CNOT1: variants seen among roughly 807,000 people sequenced by gnomAD.
The protein encoded by CNOT1 is CCR4-associated factor 1.
CNOT1 carries 15 observed loss-of-function variants against 273.8 expected under a neutral mutation model. That is an observed-to-expected ratio of 0.05 (90% CI 0.04 to 0.08). CNOT1 has a LOEUF of 0.08. Ranked by LOEUF, CNOT1 falls within the 10% of genes least tolerant of loss-of-function variation. CNOT1 has a pLI of 1.00. For synonymous variants in CNOT1, 1,022 were observed against 1,005.5 expected (o/e 1.02, Z -0.31); for missense variants, 1,644 against 2,912.2 (o/e 0.56, Z 10.02).
rs575466919 is a variant in CNOT1 at position 58,626,438 on chromosome 16, C to G, written c.-175+3290G>C. 8.0e-5 allele frequency among the ~76,000 whole-genome samples: 11 copies of G among 137,936 alleles called. No homozygotes were observed. The South Asian group carries it at 2.2e-3, about 28-fold the overall frequency. The allele number at this position is 137,936 out of a possible 152,430, so 90.5% of individuals were successfully genotyped here. A position where few individuals can be genotyped will look rare whatever the true frequency, so the allele number is the denominator to read the frequency against. Reference sequence around the variant, plus strand: ...AAAAAAAAAAAAAAAAAAAGATATACCAAGTTCATAAAATACAGCATTTCA... The same window carrying G: ...AAAAAAAAAAAAAAAAAAAGATATAGCAAGTTCATAAAATACAGCATTTCA... On this transcript the variant is annotated intron_variant, in intron 1 of 48. Coordinates refer to ENST00000317147, the MANE Select transcript of CNOT1 (RefSeq NM_016284.5).
intron 1 of CNOT1, among the ~76,000 whole-genome samples, chr16:58,603,583 G>A (rs1338158814): frequency 6.6e-6 from 1 of 152,042 alleles, no homozygotes; most frequent in Non-Finnish European, 1.5e-5. Flanking sequence ...CCTAACCACT[G>A]ATACTCTTCC....
At position 58,614,471 on chromosome 16, in the gene CNOT1, G is replaced by C. The variant is rs1028596498; in HGVS notation, c.-174-14960C>G. Among the ~76,000 whole-genome samples the C allele has an allele frequency of 6.4e-5, 8 of 125,348 alleles. 2 individuals carry two copies. The highest frequency in any genetic ancestry group is 2.2e-4 in the African/African-American group (8 of 37,170). The allele number at this position is 125,348 out of a possible 152,430, so 82.2% of individuals were successfully genotyped here. On this transcript the variant is annotated intron_variant, in intron 1 of 48. Coordinates refer to ENST00000317147, the MANE Select transcript of CNOT1 (RefSeq NM_016284.5). ...TGTGGTAGGCAGAGGGTGCCTACAG[G>C]AACAGGCCCCACCAATAATAACAAT...
At chr16:58,620,091 T>G (rs2043254852) in intron 1 of CNOT1, among the ~76,000 whole-genome samples, 1 of 152,144 alleles carries the variant, frequency 6.6e-6, no homozygotes, top group Admixed American at 6.6e-5. Flanking sequence ...GAATGCTATA[T>G]TCTATCAATT....
intron 22 of CNOT1, among the ~76,000 whole-genome samples, chr16:58,552,479 G>A (rs1412276878): frequency 6.6e-6 from 1 of 152,094 alleles, no homozygotes; most frequent in Non-Finnish European, 1.5e-5. Flanking sequence ...GCTACAGTGG[G>A]TGCTAGGGAC....
intron 1 of CNOT1, among the ~76,000 whole-genome samples, chr16:58,620,972 G>C (rs1002752129): frequency 5.9e-5 from 9 of 151,660 alleles, no homozygotes; most frequent in African/African-American, 1.9e-4. Context: ...TAGTTAGAAA[G>C]TTATTTCAAA....
chr16:58,577,624 T>A (rs1727770573), intron 13 of CNOT1, among the ~76,000 whole-genome samples: 1 of 152,108 alleles, frequency 6.6e-6, no homozygotes, highest in South Asian at 2.1e-4. Context: ...TCTGCATGTA[T>A]CATATAATGT....
At chr16:58,599,050 CAAA>C (rs55921701) in intron 2 of CNOT1, 183 bp downstream of exon 2, 6,110 of 307,092 alleles carry the variant, frequency 0.02, no homozygotes, top group East Asian at 0.043. Context: ...GACTCTGTCT[CAAA>C]AAAAAAAAAA....
intron 21 of CNOT1, 56 bp from the exon 22 acceptor site, chr16:58,553,916 A>G: frequency 6.5e-7 from 1 of 1,536,144 alleles, no homozygotes; most frequent in Non-Finnish European, 8.7e-7. Flanking sequence ...CATCACTAAC[A>G]AAATGTTTTT....
chr16:58,627,844 T>C (rs903479456), intron 1 of CNOT1, among the ~76,000 whole-genome samples: 1 of 152,232 alleles, frequency 6.6e-6, no homozygotes, highest in African/African-American at 2.4e-5. Flanking sequence ...CTAGACTTTT[T>C]TTTGAGACGG....
intron 38 of CNOT1, among the ~76,000 whole-genome samples, chr16:58,537,668 C>T (rs1255736318): frequency 6.6e-6 from 1 of 152,172 alleles, no homozygotes; most frequent in Non-Finnish European, 1.5e-5. Context: ...AGGACTCTGA[C>T]ACTAAGTCTG....
Position 58,547,045 on chromosome 16 carries a change from T to C in CNOT1, c.3750+141A>G, listed in dbSNP as rs909638700. 3 of 1,236,240 alleles carry C rather than the reference T, an allele frequency of 2.4e-6. No individual in the cohort carries two copies. Among genetic ancestry groups the C allele is most frequent in the African/African-American group, 1.5e-5 (1 of 65,600 alleles). 76.6% of individuals were successfully genotyped at this position (1,236,240 alleles called of 1,614,324 possible). ...TTCTTATTTCACCCAGCCTCTCAAA[T>C]TGGAAATCCAAGTGCCATAGAGGAA... On this transcript the variant is annotated intron_variant, in intron 27 of 48. Coordinates refer to ENST00000317147, the MANE Select transcript of CNOT1 (RefSeq NM_016284.5). This position sits in a 1 kb window ranked among gnomAD's most constrained non-coding sequence, Gnocchi z 4.0.
At chr16:58,612,133 G>A (rs2042924448) in intron 1 of CNOT1, among the ~76,000 whole-genome samples, 1 of 152,116 alleles carries the variant, frequency 6.6e-6, no homozygotes, top group South Asian at 2.1e-4. Context: ...ATGCCAGGCT[G>A]CAAAGACATC....
rs1597562442 is a variant in CNOT1 at position 58,599,212 on chromosome 16, T to C, written c.102+24A>G. 6.2e-6 allele frequency: 10 copies of C among 1,614,042 alleles called. No homozygotes were observed. In the East Asian group the frequency reaches 6.7e-5, roughly 11 times the overall value. On this transcript the variant is annotated intron_variant, in intron 2 of 48. Transcript: ENST00000317147. ...TGTCTACTCATTCCTTTAATGGCAC[T>C]TGTTTTCTGGCTAGTTTACTTACAT...
Position 58,551,684 on chromosome 16 carries a change from C to T in CNOT1, c.3106G>A (p.Val1036Ile). Reference sequence around the variant, plus strand: ...GTTGAGGTGGTTACCATAGTGCTAACTTGACCAGCAAGAGGAGCTTTTGCT... The same window carrying T: ...GTTGAGGTGGTTACCATAGTGCTAATTTGACCAGCAAGAGGAGCTTTTGCT... Reference protein sequence around the residue: ...VPAKAPLAGQVSTMVTTSTTT... With the variant: ...VPAKAPLAGQISTMVTTSTTT... Residue 1036 changes from valine to isoleucine, a missense_variant, in exon 23 of 49, where the codon GTT becomes ATT. Coordinates refer to ENST00000317147, the MANE Select transcript of CNOT1 (RefSeq NM_016284.5). 6.2e-7 allele frequency: 1 copy of T among 1,614,202 alleles called. No homozygotes were observed. The highest frequency in any genetic ancestry group is 8.5e-7 in the Non-Finnish European group (1 of 1,180,034).
chr16:58,520,800 A>T lies in CNOT1; in HGVS notation c.*158T>A, dbSNP rs911686658. 29 of 717,074 alleles carry T rather than the reference A, an allele frequency of 4.0e-5. No homozygotes were observed. The South Asian group carries it at 5.3e-4, about 13-fold the overall frequency. The allele number at this position is 717,074 out of a possible 1,614,324, so 44.4% of individuals were successfully genotyped here. A position where few individuals can be genotyped will look rare whatever the true frequency, so the allele number is the denominator to read the frequency against. On this transcript the variant is annotated 3_prime_UTR_variant, in exon 49 of 49. Transcript: ENST00000317147. ...CATTTAAACTTTGGAACGTGCCCAC[A>T]TAAGACAGGAGGCTGATCCCAACAG... is the stretch of plus-strand genomic sequence containing the variant.
At chr16:58,562,492 A>C (rs1261587728) in intron 16 of CNOT1, among the ~76,000 whole-genome samples, 9 of 147,306 alleles carry the variant, frequency 6.1e-5, no homozygotes. Context: ...AGAAAGAACA[A>C]GACCCTGTCT....
intron 1 of CNOT1, among the ~76,000 whole-genome samples, chr16:58,623,765 G>A (rs1022245140): frequency 6.6e-5 from 10 of 152,060 alleles, no homozygotes; most frequent in Admixed American, 5.2e-4. Context: ...GAGGTGGGTC[G>A]ATCGCTTGAA....
chr16:58,574,754 A>G lies in CNOT1; in HGVS notation c.1834T>C (p.Phe612Leu). The change falls in exon 16 of 49, where the codon TTT becomes CTT. Residue 612 changes from phenylalanine (F) to leucine (L), a missense_variant. Around this residue, in one of 13 missense-constraint regions of CNOT1, gnomAD observed 706 missense variants for 1,021.2 expected, o/e 0.69. Coordinates refer to ENST00000317147, the MANE Select transcript of CNOT1 (RefSeq NM_016284.5). The part of the protein sequence containing the change: ...TDKIREHGEP[F>L]IQACMTFLKR... ...AAAAAAGTCATACACGCCTGGATAA[A>G]AGGCTCCTGAAGAATAGAAAAGTCT... 3 of 1,588,392 alleles carry G rather than the reference A, an allele frequency of 1.9e-6. No individual in the cohort carries two copies. Among genetic ancestry groups the G allele is most frequent in the Non-Finnish European group, 2.6e-6 (3 of 1,174,562 alleles).
At position 58,538,485 on chromosome 16, in the gene CNOT1, A is replaced by C. The variant is rs574880404; in HGVS notation, c.5136-219T>G. 1.4e-4 allele frequency among the ~76,000 whole-genome samples: 21 copies of C among 152,356 alleles called. No individual in the cohort carries two copies. The East Asian group carries it at 4.0e-3, about 29-fold the overall frequency. On this transcript the variant is annotated intron_variant, in intron 36 of 48. Transcript: ENST00000317147. The stretch of plus-strand genomic sequence containing the variant: ...AGTATTCCATTTAAGACATTAAAAT[A>C]CTTATACACGAATACCACTTCTGAG...
Sources: allele counts gnomAD v4.1 joint callset (sites outside exome capture counted in the v4.1 genomes callset), GRCh38; gene constraint gnomAD v4.1.1; regional missense constraint gnomAD v4.1.1; non-coding constraint Gnocchi (gnomAD v3.1); transcripts MANE v1.5; gene names NCBI Gene and HGNC (gene_info 2026-07-23, HGNC 2026-07-21).